Variants in NMBR observed in about 807,000 individuals in gnomAD.
The protein encoded by NMBR is neuromedin B receptor.
Under a neutral mutation model 20.5 loss-of-function variants are expected in NMBR, and 16 were observed. The observed-to-expected ratio is 0.78, with a 90% CI of 0.53 to 1.19. The LOEUF is 1.19. Among genes scored for constraint, NMBR ranks in the 50% most tolerant of loss-of-function variants. The pLI, the probability that NMBR is intolerant of heterozygous loss-of-function variation, is 0.00. For synonymous variants in NMBR, 212 were observed against 196.6 expected (o/e 1.08, Z -0.65); for missense variants, 582 against 499.1 (o/e 1.17, Z -1.58).
intron 1 of NMBR, among the ~76,000 whole-genome samples, chr6:142,105,901 T>C (rs1040229245): frequency 6.6e-6 from 1 of 152,204 alleles, no homozygotes; most frequent in Non-Finnish European, 1.5e-5. Flanking sequence ...AAGTAGCATG[T>C]CATTATATAG....
intron 1 of NMBR, among the ~76,000 whole-genome samples, chr6:142,131,964 T>C (rs1367863922): frequency 6.6e-6 from 1 of 152,186 alleles, no homozygotes; most frequent in African/African-American, 2.4e-5. Flanking sequence ...TTCTTGGGAA[T>C]CAACACAAAG....
In NMBR at chr6:142,088,638, G is replaced by GGAAAGAGACTTAGAGGGCAT; in HGVS notation, c.1_20dup (p.Asn8CysfsTer11). ...TCGCGCCGGTGGTCACCGAGAGGTT[G>GGAAAGAGACTTAGAGGGCAT]GAAAGAGACTTAGAGGGCATGATCT... On this transcript the variant is annotated frameshift_variant, in exon 2 of 4. Transcript: ENST00000258042. LOFTEE classifies it high-confidence loss of function. 6.2e-7 allele frequency: 1 copy of GGAAAGAGACTTAGAGGGCAT among 1,603,784 alleles called. No individual in the cohort carries two copies.
At chr6:142,121,155 T>C (rs1777938036) in intron 1 of NMBR, among the ~76,000 whole-genome samples, 1 of 151,946 alleles carries the variant, frequency 6.6e-6, no homozygotes, top group Non-Finnish European at 1.5e-5. Context: ...GAAAACTGCC[T>C]ATACAAAATG....
chr6:142,130,248 A>C (rs908549423), intron 1 of NMBR, among the ~76,000 whole-genome samples: 52 of 152,202 alleles, frequency 3.4e-4, no homozygotes, highest in African/African-American at 1.2e-3. Flanking sequence ...AGACCTAGAG[A>C]TGAGTTTGCA....
At chr6:142,140,041 T>C (rs1778338976) in intron 1 of NMBR, among the ~76,000 whole-genome samples, 1 of 152,096 alleles carries the variant, frequency 6.6e-6, no homozygotes, top group Non-Finnish European at 1.5e-5. Flanking sequence ...ACCTATGAGA[T>C]ATGAGCAAAT....
At chr6:142,127,721 G>C (rs1382063443) in intron 1 of NMBR, among the ~76,000 whole-genome samples, 1 of 151,452 alleles carries the variant, frequency 6.6e-6, no homozygotes, top group Non-Finnish European at 1.5e-5. Flanking sequence ...GTTAATTCCT[G>C]AGTATTTTTT....
intron 1 of NMBR, among the ~76,000 whole-genome samples, chr6:142,145,020 T>TAAAAAAAAAAAAAAAAAAA (rs34522158): frequency 1.0e-5 from 1 of 97,638 alleles, no homozygotes; most frequent in African/African-American, 4.2e-5. Context: ...AGAACCTGTC[T>TAAAAAAAAAAAAAAAAAAA]AAAAAAAAAA....
chr6:142,082,737 C>A (rs76767619), intron 2 of NMBR, among the ~76,000 whole-genome samples: 1 of 152,144 alleles, frequency 6.6e-6, no homozygotes, highest in Admixed American at 6.5e-5. Context: ...TATCCAGAAT[C>A]CAGCAGAAAT....
intron 1 of NMBR, among the ~76,000 whole-genome samples, chr6:142,138,402 T>A (rs1406567153): frequency 6.6e-6 from 1 of 152,118 alleles, no homozygotes; most frequent in African/African-American, 2.4e-5. Flanking sequence ...GTCTGCTATT[T>A]AACAAGTACT....
chr6:142,114,269 C>T (rs1777815138), intron 1 of NMBR, among the ~76,000 whole-genome samples: 1 of 152,078 alleles, frequency 6.6e-6, no homozygotes, highest in African/African-American at 2.4e-5. Context: ...TTTTTCTTTG[C>T]TATTGTGTGA....
Position 142,078,632 on chromosome 6 carries a change from A to G in NMBR, c.694T>C (p.Tyr232His). The change falls in exon 3 of 4, where the codon TAT becomes CAT. Residue 232 changes from tyrosine to histidine, a missense_variant. Tyr to His is a moderately conservative substitution (Grantham distance 83). Transcript: ENST00000258042. ...ATTAAGGTCTTTGCAATATGATAATAATAAATGCTAATAATAGCAAGTGGT... is the reference window on the plus strand; with the variant it reads ...ATTAAGGTCTTTGCAATATGATAATGATAAATGCTAATAATAGCAAGTGGT... ...LIPLAIISIY[Y>H]YHIAKTLIKS... 6.2e-7 allele frequency: 1 copy of G among 1,613,048 alleles called. No homozygotes were observed. The highest frequency in any genetic ancestry group is 8.5e-7 in the Non-Finnish European group (1 of 1,179,034).
chr6:142,093,675 G>A (rs1021415080), intron 1 of NMBR, among the ~76,000 whole-genome samples: 1 of 151,992 alleles, frequency 6.6e-6, no homozygotes, highest in African/African-American at 2.4e-5. Context: ...CCCAGTAATG[G>A]GATTGCTGGG....
At chr6:142,120,207 T>A (rs997527095) in intron 1 of NMBR, among the ~76,000 whole-genome samples, 4 of 151,866 alleles carry the variant, frequency 2.6e-5, no homozygotes, top group African/African-American at 9.7e-5. Context: ...ACAAAACCTA[T>A]AACAATCATT....
intron 1 of NMBR, among the ~76,000 whole-genome samples, chr6:142,140,033 C>T (rs937430090): frequency 1.8e-4 from 27 of 151,968 alleles, no homozygotes; most frequent in African/African-American, 6.3e-4. Context: ...ATATTAAAAC[C>T]TATGAGATAT....
At position 142,136,523 on chromosome 6, in the gene NMBR, G is replaced by T. The variant is rs1435331327; in HGVS notation, c.-664+10521C>A. 4.2e-3 allele frequency among the ~76,000 whole-genome samples: 638 copies of T among 151,902 alleles called. 5 individuals carry two copies. Among genetic ancestry groups the T allele is most frequent in the Admixed American group, 9.7e-3 (148 of 15,250 alleles). On this transcript the variant is annotated intron_variant, in intron 1 of 3. Coordinates refer to ENST00000258042, the MANE Select transcript of NMBR (RefSeq NM_002511.4). ...AATTAGATCCCATTTGTCAATTTTG[G>T]CTTTTGTTGCCATTGCTTTTGGTGT...
At chr6:142,094,757 C>T (rs1032815767) in intron 1 of NMBR, among the ~76,000 whole-genome samples, 11 of 152,104 alleles carry the variant, frequency 7.2e-5, no homozygotes, top group African/African-American at 2.7e-4. Context: ...TGTCCATTTC[C>T]ACGATATTGA....
rs1437769192 is a variant in NMBR at position 142,075,464 on chromosome 6, C to A, written c.*184G>T. On this transcript the variant is annotated 3_prime_UTR_variant, in exon 4 of 4. Coordinates refer to ENST00000258042, the MANE Select transcript of NMBR (RefSeq NM_002511.4). ...GTGATTTAAAGTCTTTTCTCATATT[C>A]TAATTATTAGGAAATGAAAAGAGAA... 7.4e-6 allele frequency: 4 copies of A among 538,732 alleles called. No individual in the cohort carries two copies. The highest frequency in any genetic ancestry group is 1.3e-5 in the Non-Finnish European group (4 of 308,702). The allele number at this position is 538,732 out of a possible 1,614,324, so 33.4% of individuals were successfully genotyped here. A position where few individuals can be genotyped will look rare whatever the true frequency, so the allele number is the denominator to read the frequency against.
intron 1 of NMBR, among the ~76,000 whole-genome samples, chr6:142,121,068 A>T (rs1385016366): frequency 1.3e-5 from 2 of 151,898 alleles, no homozygotes; most frequent in Non-Finnish European, 2.9e-5. Context: ...AAAAGTTTTC[A>T]TGATTATTAC....
intron 1 of NMBR, among the ~76,000 whole-genome samples, chr6:142,137,246 T>C (rs2114612286): frequency 6.6e-6 from 1 of 152,320 alleles, no homozygotes; most frequent in African/African-American, 2.4e-5. Flanking sequence ...TATTTTATTC[T>C]CTTTGAAGCA....
Sources: allele counts gnomAD v4.1 joint callset (sites outside exome capture counted in the v4.1 genomes callset), GRCh38; gene constraint gnomAD v4.1.1; transcripts MANE v1.5; gene names NCBI Gene and HGNC (gene_info 2026-07-23, HGNC 2026-07-21).